Variants in MAPK10 observed in about 807,000 individuals in gnomAD.
MAPK10 encodes JNK3 alpha protein kinase.
MAPK10 carries 25 observed loss-of-function variants against 59.3 expected under a neutral mutation model. That is an observed-to-expected ratio of 0.42 (90% CI 0.31 to 0.59). The LOEUF (loss-of-function observed/expected upper bound fraction) is 0.59, where lower values mean the gene tolerates loss of function less well. Among genes scored for constraint, MAPK10 ranks in the 20% least tolerant of loss-of-function variants. The probability of loss-of-function intolerance (pLI) is 0.15; values close to 1 mark genes in which losing one functional copy is unlikely to be tolerated. For missense variants in MAPK10, 351 were observed against 568.9 expected (o/e 0.62, Z 3.90); for synonymous variants, 190 against 200.5 (o/e 0.95, Z 0.44).
intron 2 of MAPK10, among the ~76,000 whole-genome samples, chr4:86,255,522 G>A (rs150022689): frequency 5.9e-5 from 9 of 152,260 alleles, no homozygotes; most frequent in East Asian, 1.9e-4. Flanking sequence ...CAGTCTGCCC[G>A]TAAGCAGTGC....
At chr4:86,172,616 C>T (rs180731956) in intron 3 of MAPK10, among the ~76,000 whole-genome samples, 10 of 150,876 alleles carry the variant, frequency 6.6e-5, no homozygotes, top group Admixed American at 4.6e-4. Flanking sequence ...GGAGATATAC[C>T]TAATGCTAAA....
At chr4:86,297,137 A>C (rs1016559762) in intron 2 of MAPK10, among the ~76,000 whole-genome samples, 1 of 152,228 alleles carries the variant, frequency 6.6e-6, no homozygotes, top group African/African-American at 2.4e-5. Context: ...ACTGACACTT[A>C]AAATCAGGGA....
intron 1 of MAPK10, among the ~76,000 whole-genome samples, chr4:86,436,951 G>A (rs553057216): frequency 4.3e-4 from 66 of 152,196 alleles, no homozygotes; most frequent in African/African-American, 1.4e-3. Context: ...GGTGGCTCAT[G>A]CCTGTAATCC....
intron 13 of MAPK10, chr4:86,027,392 C>A (rs201522571): frequency 1.3e-5 from 2 of 151,976 alleles, no homozygotes; most frequent in African/African-American, 4.8e-5. Flanking sequence ...AGCAGGCCTG[C>A]AAAACATCCA....
At chr4:86,511,893 AAGG>A (rs940200809) in intron 1 of MAPK10, among the ~76,000 whole-genome samples, 2 of 151,148 alleles carry the variant, frequency 1.3e-5, no homozygotes, top group Admixed American at 1.3e-4. Context: ...AGAAGGAAGA[AAGG>A]AGAAGAATGA....
chr4:86,304,146 G>A (rs1395676658), intron 2 of MAPK10, among the ~76,000 whole-genome samples: 3 of 152,148 alleles, frequency 2.0e-5, no homozygotes, highest in South Asian at 2.1e-4. Context: ...TAGGAGGAAA[G>A]GAAAGTCAAT....
chr4:86,133,792 C>A (rs1158175581), intron 4 of MAPK10, among the ~76,000 whole-genome samples: 1 of 152,128 alleles, frequency 6.6e-6, no homozygotes, highest in African/African-American at 2.4e-5. Flanking sequence ...GAGGAGATAA[C>A]CCATTCCAAA....
intron 2 of MAPK10, among the ~76,000 whole-genome samples, chr4:86,313,303 G>A (rs2095708706): frequency 6.6e-6 from 1 of 151,964 alleles, no homozygotes; most frequent in Non-Finnish European, 1.5e-5. Context: ...ATAAGTAAGA[G>A]GAATTATGTC....
intron 2 of MAPK10, among the ~76,000 whole-genome samples, chr4:86,240,509 A>C (rs1413494532): frequency 6.6e-6 from 1 of 151,836 alleles, no homozygotes; most frequent in African/African-American, 2.4e-5. Flanking sequence ...CTCCTGTTTT[A>C]TAATTGTGGG....
At chr4:86,499,064 C>T (rs1755104633) in intron 1 of MAPK10, among the ~76,000 whole-genome samples, 4 of 152,170 alleles carry the variant, frequency 2.6e-5, no homozygotes, top group Admixed American at 2.6e-4. Context: ...AGTTAATATT[C>T]ACATCCTTTT....
At chr4:86,215,404 C>G (rs2087199359) in intron 2 of MAPK10, among the ~76,000 whole-genome samples, 1 of 152,056 alleles carries the variant, frequency 6.6e-6, no homozygotes, top group Non-Finnish European at 1.5e-5. Flanking sequence ...CAAAAATAGA[C>G]AAATTGGACT....
rs545588029 is a variant in MAPK10, at chr4:86,359,963, T to C, written c.-427A>G. 478 of 983,142 alleles carry C rather than the reference T, an allele frequency of 4.9e-4. 1 individual carries two copies. In the African/African-American group the frequency reaches 8.1e-3, roughly 17 times the overall value. 60.9% of individuals were successfully genotyped at this position (983,142 alleles called of 1,614,324 possible). ...ATAAAAATAAAAAGTGAAGGGGAGG[T>C]TAAAGAAAATAGAAGAAGAGTGGCT... On this transcript the variant is annotated 5_prime_UTR_variant, in exon 1 of 14. Coordinates refer to ENST00000641462, the MANE Select transcript of MAPK10 (RefSeq NM_138982.4).
At chr4:86,212,857 A>G (rs1038513678) in intron 2 of MAPK10, among the ~76,000 whole-genome samples, 30 of 152,134 alleles carry the variant, frequency 2.0e-4, no homozygotes, top group Admixed American at 1.3e-4. Flanking sequence ...AGAAATAGAG[A>G]ACTTGAACAG....
intron 9 of MAPK10, among the ~76,000 whole-genome samples, chr4:86,075,632 G>A (rs2049153910): frequency 6.6e-6 from 1 of 151,894 alleles, no homozygotes; most frequent in Admixed American, 6.6e-5. Context: ...CTCAGCTGCA[G>A]GTCTGTTGGA....
intron 2 of MAPK10, among the ~76,000 whole-genome samples, chr4:86,238,013 A>G (rs1412350195): frequency 6.6e-6 from 1 of 152,176 alleles, no homozygotes; most frequent in Admixed American, 6.5e-5. Context: ...TCTTGAGTTA[A>G]TTTTTGTATA....
At chr4:86,466,692 T>C (rs957927421) in intron 1 of MAPK10, among the ~76,000 whole-genome samples, 8 of 152,218 alleles carry the variant, frequency 5.3e-5, no homozygotes, top group Admixed American at 5.2e-4. Flanking sequence ...ATCTTTTTTA[T>C]GGCATTTGGT....
rs1289428594 is a variant in MAPK10 at position 86,485,327 on chromosome 4, A to T, written c.-263+108583T>A. ...GTAGTGTAATTTTTACATGTTTAAA[A>T]TTTTTTAAATATAATATTTGACTTT... On this transcript the variant is annotated intron_variant, in intron 1 of 4. Transcript: ENST00000502302. Among the ~76,000 whole-genome samples, 8 of 152,234 alleles carry T rather than the reference A, an allele frequency of 5.3e-5. No homozygotes were observed. In the East Asian group the frequency reaches 1.5e-3, roughly 29 times the overall value.
At chr4:86,153,674 C>A (rs4530621) in intron 4 of MAPK10, among the ~76,000 whole-genome samples, 3 of 151,940 alleles carry the variant, frequency 2.0e-5, no homozygotes, top group Non-Finnish European at 2.9e-5. Context: ...ACATTTTCTT[C>A]GTAAAGGAAA....
At chr4:86,229,387 G>A (rs1383630205) in intron 2 of MAPK10, among the ~76,000 whole-genome samples, 1 of 152,104 alleles carries the variant, frequency 6.6e-6, no homozygotes, top group Admixed American at 6.5e-5. Context: ...GGGTCATTAA[G>A]ATGAATCTAT....
Sources: gnomAD v4.1 joint callset for allele counts (sites outside exome capture counted in the v4.1 genomes callset) on GRCh38, gnomAD v4.1.1 for gene constraint, MANE v1.5 for transcripts, NCBI Gene and HGNC (gene_info 2026-07-23, HGNC 2026-07-21) for gene names.